ATG7: variants seen among roughly 807,000 people sequenced by gnomAD.
ATG7 encodes autophagy related 7, also known as ubiquitin-like modifier-activating enzyme ATG7.
Under a neutral mutation model 82.4 loss-of-function variants are expected in ATG7, and 70 were observed. The observed-to-expected ratio is 0.85, with a 90% CI of 0.70 to 1.04. The LOEUF is 1.04. Among genes scored for constraint, ATG7 ranks in the 50% least tolerant of loss-of-function variants. The pLI is 0.00. For synonymous variants in ATG7, 287 were observed against 313.0 expected (o/e 0.92, Z 0.88); for missense variants, 792 against 864.3 (o/e 0.92, Z 1.05).
intron 5 of ATG7, among the ~76,000 whole-genome samples, chr3:11,303,681 A>AT (rs57470599): frequency 6.6e-6 from 1 of 150,788 alleles, no homozygotes; most frequent in East Asian, 2.0e-4. Flanking sequence ...AAAAAAAAAA[A>AT]GAATTTTCCT....
chr3:11,388,611 G>C (rs557253801), intron 19 of ATG7, among the ~76,000 whole-genome samples: 3 of 151,954 alleles, frequency 2.0e-5, no homozygotes. Flanking sequence ...TGTACTTTTA[G>C]TAGAGACAGG....
chr3:11,528,336 A>G (rs934933163), intron 20 of ATG7, among the ~76,000 whole-genome samples: 1 of 152,176 alleles, frequency 6.6e-6, no homozygotes, highest in Non-Finnish European at 1.5e-5. Flanking sequence ...AAAAAACATA[A>G]GATAGCTATC....
At chr3:11,570,399 T>C in the ATG7 span, among the ~76,000 whole-genome samples, 447 of 152,324 alleles carry the variant, frequency 2.9e-3, 2 homozygotes, top group Middle Eastern at 0.017. Flanking sequence ...CGGACAGTCC[T>C]GCCACGCTGG....
intron 20 of ATG7, among the ~76,000 whole-genome samples, chr3:11,450,908 C>T (rs975056828): frequency 6.6e-6 from 1 of 152,168 alleles, no homozygotes; most frequent in Non-Finnish European, 1.5e-5. Context: ...GGCTGGTGTC[C>T]TCCAGGGTGT....
At chr3:11,567,064 G>C in the ATG7 span, among the ~76,000 whole-genome samples, 3 of 152,016 alleles carry the variant, frequency 2.0e-5, no homozygotes, top group Admixed American at 6.5e-5. Context: ...GGGCTGAGCA[G>C]GAGAAGCACC....
intron 20 of ATG7, among the ~76,000 whole-genome samples, chr3:11,528,247 G>A (rs1022222254): frequency 1.3e-5 from 2 of 152,160 alleles, no homozygotes. Context: ...TATATCTTGA[G>A]CTGCTGTTAT....
chr3:11,369,213 A>T (rs755243908), intron 18 of ATG7, among the ~76,000 whole-genome samples: 1 of 151,054 alleles, frequency 6.6e-6, no homozygotes, highest in African/African-American at 2.4e-5. Context: ...AGGGACATGG[A>T]CAGATGGACT....
chr3:11,499,757 A>G (rs1575065819), intron 20 of ATG7, among the ~76,000 whole-genome samples: 1 of 151,870 alleles, frequency 6.6e-6, no homozygotes, highest in East Asian at 1.9e-4. Context: ...CAAAAAAAAA[A>G]AAAAAAGAAA....
At chr3:11,405,933 G>A (rs2080287344) in intron 19 of ATG7, among the ~76,000 whole-genome samples, 2 of 151,992 alleles carry the variant, frequency 1.3e-5, no homozygotes, top group Non-Finnish European at 2.9e-5. Flanking sequence ...CTGGCCATGT[G>A]TAGCATTTCT....
chr3:11,365,883 C>T (rs1052737284), intron 18 of ATG7, among the ~76,000 whole-genome samples: 1 of 152,084 alleles, frequency 6.6e-6, no homozygotes, highest in Admixed American at 6.5e-5. Context: ...GGAGATTTTG[C>T]TTCCTGTTGG....
intron 20 of ATG7, among the ~76,000 whole-genome samples, chr3:11,454,191 A>G (rs1474528783): frequency 2.0e-5 from 3 of 152,112 alleles, no homozygotes; most frequent in African/African-American, 7.2e-5. Context: ...TCTAATGGGT[A>G]CCTTGATTTT....
intron 19 of ATG7, among the ~76,000 whole-genome samples, chr3:11,405,514 A>G (rs539528809): frequency 2.6e-5 from 4 of 151,928 alleles, no homozygotes; most frequent in South Asian, 2.1e-4. Context: ...TTACTCCACT[A>G]TTTTTGCTGA....
At chr3:11,324,056 A>G (rs1950547400) in intron 9 of ATG7, among the ~76,000 whole-genome samples, 1 of 152,244 alleles carries the variant, frequency 6.6e-6, no homozygotes, top group Non-Finnish European at 1.5e-5. Flanking sequence ...AATCATTTCA[A>G]TGAATTGTAT....
chr3:11,301,487 T>G (rs1023393960), intron 5 of ATG7, among the ~76,000 whole-genome samples: 11 of 152,172 alleles, frequency 7.2e-5, no homozygotes, highest in Non-Finnish European at 1.0e-4. Context: ...TTTTTTCCCT[T>G]TATCTCAATC....
At chr3:11,503,827 T>A (rs920970711) in intron 20 of ATG7, among the ~76,000 whole-genome samples, 2 of 150,658 alleles carry the variant, frequency 1.3e-5, no homozygotes, top group African/African-American at 4.9e-5. Context: ...AGTTTAAAAT[T>A]CAGTAGAAGG....
intron 20 of ATG7, among the ~76,000 whole-genome samples, chr3:11,467,136 AAAAC>A (rs1356291542): frequency 5.3e-5 from 2 of 37,420 alleles, no homozygotes; most frequent in Non-Finnish European, 8.5e-5. Flanking sequence ...GAAAAAAACA[AAAAC>A]AAACAAAAAA....
chr3:11,381,179 T>A (rs944604910), intron 19 of ATG7, among the ~76,000 whole-genome samples: 1 of 152,236 alleles, frequency 6.6e-6, no homozygotes, highest in Non-Finnish European at 1.5e-5. Context: ...ATGAGCCCAT[T>A]CTTTCTGTAG....
At chr3:11,521,279 T>C (rs2092434702) in intron 20 of ATG7, among the ~76,000 whole-genome samples, 1 of 152,070 alleles carries the variant, frequency 6.6e-6, no homozygotes. Context: ...TGCTAGATGC[T>C]GACAAAGACC....
chr3:11,530,472 A>G (rs967033156), intron 20 of ATG7, among the ~76,000 whole-genome samples: 17 of 152,196 alleles, frequency 1.1e-4, no homozygotes, highest in Non-Finnish European at 1.3e-4. Context: ...GAATTGGGAA[A>G]TGATGATTTG....
Sources: gnomAD v4.1 joint callset for allele counts (sites outside exome capture counted in the v4.1 genomes callset) on GRCh38, gnomAD v4.1.1 for gene constraint, MANE v1.5 for transcripts, NCBI Gene and HGNC (gene_info 2026-07-23, HGNC 2026-07-21) for gene names.